The following CNGB1 variants were observed in gnomAD, a reference collection of about 807,000 sequenced individuals.
The protein encoded by CNGB1 is cyclic nucleotide gated channel subunit beta 1.
Under a neutral mutation model 151.7 loss-of-function variants are expected in CNGB1, and 126 were observed. The ratio of observed to expected loss-of-function variants is 0.83; its 90% CI spans 0.72 to 0.96. The LOEUF (loss-of-function observed/expected upper bound fraction) is 0.96. Among genes scored for constraint, CNGB1 ranks in the 40% least tolerant of loss-of-function variants. The probability of loss-of-function intolerance (pLI) is 0.00; values close to 1 mark genes in which losing one functional copy is unlikely to be tolerated. For synonymous variants in CNGB1, 623 were observed against 635.1 expected, an observed-to-expected ratio of 0.98 and a Z score of 0.29; for missense variants, 1,698 against 1,627.0, an observed-to-expected ratio of 1.04 and a Z score of -0.75.
At chr16:57,886,247 A>G (rs1367364391) in intron 32 of CNGB1, among the ~76,000 whole-genome samples, 4 of 152,104 alleles carry the variant, frequency 2.6e-5, no homozygotes, top group Non-Finnish European at 5.9e-5. Context: ...TTGGAAGGGA[A>G]GTGCCTTTTA....
chr16:57,911,881 G>A lies in CNGB1; in HGVS notation c.2370-6C>T, dbSNP rs1376648700. 1 of 1,613,360 alleles carries A rather than the reference G, an allele frequency of 6.2e-7. No individual in the cohort carries two copies. Among genetic ancestry groups the A allele is most frequent in the Admixed American group, 1.7e-5 (1 of 60,020 alleles). ...AGGCTGTGGTCCTGATGACCCTGCA[G>A]AAGGAACACAGCGCATGAACACAGC... is the stretch of plus-strand genomic sequence containing the variant. On this transcript the variant is annotated splice_region_variant and splice_polypyrimidine_tract_variant and intron_variant, in intron 24 of 32. Transcript: ENST00000251102.
chr16:57,904,940 T>C, intron 25 of CNGB1, 65 bp from the exon 26 acceptor site: 1 of 1,600,804 alleles, frequency 6.2e-7, no homozygotes, highest in Non-Finnish European at 8.6e-7. Flanking sequence ...CCGAGCAGTC[T>C]GGCTCAGACG....
chr16:57,917,606 A>T, intron 20 of CNGB1, 130 bp from the exon 21 acceptor site: 4 of 524,646 alleles, frequency 7.6e-6, no homozygotes, highest in East Asian at 4.1e-5. Flanking sequence ...GAGTGTGTGT[A>T]TGTGTGTGTG....
At chr16:57,958,315 T>C in intron 11 of CNGB1, 95 bp downstream of exon 11, 1 of 693,038 alleles carries the variant, frequency 1.4e-6, no homozygotes, top group Non-Finnish European at 2.1e-6. Context: ...GGAGCTGGGC[T>C]TCTGCCACAG....
rs746408610 is a variant in CNGB1 at position 57,917,409 on chromosome 16, G to A, written c.2025C>T (p.Pro675=). 4.5e-5 allele frequency: 73 copies of A among 1,614,104 alleles called. No individual in the cohort carries two copies. Among genetic ancestry groups the A allele is most frequent in the South Asian group, 1.3e-4 (12 of 91,088 alleles). The part of the protein sequence containing the change: ...MAWNWNCWLI[P]VRWAFPYQTP... Reference sequence around the variant, plus strand: ...TCTGGTAGGGGAAGGCCCAGCGCACGGGAATCAGCCAACAGTTCCAATTCC... The same window carrying A: ...TCTGGTAGGGGAAGGCCCAGCGCACAGGAATCAGCCAACAGTTCCAATTCC... The change falls in exon 21 of 33, where the codon CCC becomes CCT. Residue 675 remains proline, a synonymous_variant. Coordinates refer to ENST00000251102, the MANE Select transcript of CNGB1 (RefSeq NM_001297.5).
intron 8 of CNGB1, 77 bp downstream of exon 8, chr16:57,960,763 G>T (rs1962231528): frequency 6.9e-7 from 1 of 1,448,496 alleles, no homozygotes; most frequent in Admixed American, 1.9e-5. Context: ...ACAGCCTGCT[G>T]GAGGAGGCAG....
intron 29 of CNGB1, among the ~76,000 whole-genome samples, chr16:57,899,625 G>A (rs1029462038): frequency 6.6e-6 from 1 of 152,178 alleles, no homozygotes; most frequent in Admixed American, 6.5e-5. Context: ...GGGAGAGAGA[G>A]TGGGACTTGG....
intron 19 of CNGB1, among the ~76,000 whole-genome samples, chr16:57,919,996 C>T (rs1960983651): frequency 1.3e-5 from 2 of 152,214 alleles, no homozygotes; most frequent in South Asian, 4.1e-4. Context: ...TCAATAAGAA[C>T]TTTCAAGGCA....
intron 31 of CNGB1, among the ~76,000 whole-genome samples, chr16:57,895,501 ATGTG>A (rs1325937685): frequency 6.7e-6 from 1 of 150,252 alleles, no homozygotes; most frequent in African/African-American, 2.4e-5. Context: ...ATACATGTAT[ATGTG>A]TGTGTATGTA....
intron 17 of CNGB1, among the ~76,000 whole-genome samples, chr16:57,930,000 A>T (rs1417366127): frequency 2.0e-5 from 3 of 152,242 alleles, no homozygotes; most frequent in African/African-American, 7.2e-5. Flanking sequence ...AAAATGGTAT[A>T]GTCACTGTGG....
intron 1 of CNGB1, among the ~76,000 whole-genome samples, chr16:57,969,786 C>A (rs911298019): frequency 1.3e-5 from 2 of 152,204 alleles, no homozygotes; most frequent in African/African-American, 4.8e-5. Context: ...TATGACTGAA[C>A]CCCTGCAGGA....
intron 16 of CNGB1, among the ~76,000 whole-genome samples, chr16:57,939,122 C>A (rs558257646): frequency 6.6e-6 from 1 of 152,020 alleles, no homozygotes; most frequent in African/African-American, 2.4e-5. Context: ...GAGGGGCCTG[C>A]AGGAGGGGCT....
intron 14 of CNGB1, among the ~76,000 whole-genome samples, chr16:57,943,134 G>A (rs1423512085): frequency 4.6e-5 from 7 of 152,008 alleles, no homozygotes; most frequent in East Asian, 1.9e-4. Context: ...CTTGCAAACC[G>A]TAAGTCAAAT....
At chr16:57,923,227 C>A (rs1376481749) in intron 18 of CNGB1, 46 bp downstream of exon 18, 8 of 1,358,628 alleles carry the variant, frequency 5.9e-6, no homozygotes, top group African/African-American at 1.5e-5. Flanking sequence ...CATCCCCCAC[C>A]CTCCCCGCAG....
At chr16:57,903,651 C>T (rs1960450169) in intron 27 of CNGB1, among the ~76,000 whole-genome samples, 171 bp downstream of exon 27, 1 of 152,148 alleles carries the variant, frequency 6.6e-6, no homozygotes. Context: ...ACTTCAGGGG[C>T]CCCACTGGGC....
intron 20 of CNGB1, among the ~76,000 whole-genome samples, chr16:57,918,746 T>C (rs182232737): frequency 6.6e-6 from 1 of 152,130 alleles, no homozygotes; most frequent in African/African-American, 2.4e-5. Context: ...GTCACCTAGG[T>C]TGGAATGCAA....
chr16:57,901,063 G>T (rs891906925), intron 29 of CNGB1, among the ~76,000 whole-genome samples: 12 of 152,106 alleles, frequency 7.9e-5, no homozygotes, highest in South Asian at 4.1e-4. Flanking sequence ...TGGAGTTGGG[G>T]GGGGGGTCTT....
chr16:57,916,137 G>C lies in CNGB1; in HGVS notation c.2209C>G (p.Arg737Gly). The change falls in exon 22 of 33, where the codon CGC becomes GGC. Residue 737 changes from arginine to glycine, a missense_variant. Physicochemically the swap from Arg to Gly is moderately radical, Grantham distance 125. Coordinates refer to ENST00000251102, the MANE Select transcript of CNGB1 (RefSeq NM_001297.5). ...GCATGCCCGGCACACACCTTGAAGCGGCGAGACTTCAGGTAGTTATTTCGC... is the reference window on the plus strand; with the variant it reads ...GCATGCCCGGCACACACCTTGAAGCCGCGAGACTTCAGGTAGTTATTTCGC... ...DMRNNYLKSR[R>G]FKMDLLSLLP... 6.2e-7 allele frequency: 1 copy of C among 1,614,038 alleles called. No homozygotes were observed.
Position 57,919,232 on chromosome 16 carries a change from C to T in CNGB1, c.1824G>A (p.Glu608=). ...CAGCGGGCTTTGTGTCTGGAGCTGG[C>T]TCTGGGGCTTTCTTGGCTGGGGCTG... ...PKPSPAKKAP[E]PAPDTKPAEA... The change falls in exon 20 of 33, where the codon GAG becomes GAA. Residue 608 remains glutamate, a synonymous_variant. Transcript: ENST00000251102. The T allele has an allele frequency of 6.2e-7, 1 of 1,614,202 alleles. No homozygotes were observed. Among genetic ancestry groups the T allele is most frequent in the Admixed American group, 1.7e-5 (1 of 60,022 alleles).
Sources: allele counts gnomAD v4.1 joint callset (sites outside exome capture counted in the v4.1 genomes callset), GRCh38; gene constraint gnomAD v4.1.1; transcripts MANE v1.5; gene names NCBI Gene and HGNC (gene_info 2026-07-23, HGNC 2026-07-21).